VTI1A: variants seen among roughly 807,000 people sequenced by gnomAD.
The protein encoded by VTI1A is vesicle transport through interaction with t-SNAREs homolog 1A.
VTI1A carries 22 observed loss-of-function variants against 34.9 expected under a neutral mutation model. The observed-to-expected ratio is 0.63, with a 90% confidence interval of 0.45 to 0.90. VTI1A has a LOEUF of 0.90. VTI1A is among the 40% of genes least tolerant of loss of function. The pLI, the probability that VTI1A is intolerant of heterozygous loss-of-function variation, is 0.00. For synonymous variants in VTI1A, 87 were observed against 97.3 expected, an observed-to-expected ratio of 0.89 and a Z score of 0.62; for missense variants, 268 against 275.6, an observed-to-expected ratio of 0.97 and a Z score of 0.20.
intron 7 of VTI1A, among the ~76,000 whole-genome samples, chr10:112,688,670 T>C (rs1026884919): frequency 1.3e-5 from 2 of 151,788 alleles, no homozygotes; most frequent in Non-Finnish European, 2.9e-5. Flanking sequence ...TACAGGCACA[T>C]ACCACCACAC....
chr10:112,505,312 T>C (rs77802795), intron 3 of VTI1A, among the ~76,000 whole-genome samples: 10,734 of 152,196 alleles, frequency 0.071, 626 homozygotes, highest in East Asian at 0.28. Context: ...GTTGTTTGTA[T>C]GACTTGATTT....
chr10:112,472,473 T>C (rs1370797379), intron 3 of VTI1A, among the ~76,000 whole-genome samples: 4 of 152,124 alleles, frequency 2.6e-5, no homozygotes, highest in Admixed American at 2.6e-4. Context: ...ACTCTCTCTT[T>C]TCATAGGTGA....
the VTI1A span, among the ~76,000 whole-genome samples, chr10:112,829,460 C>A: frequency 4.4e-5 from 5 of 112,848 alleles, no homozygotes; most frequent in Admixed American, 4.5e-4. Context: ...AAAAAAAAAT[C>A]TATTGATTGG....
chr10:112,851,133 A>G, the VTI1A span, among the ~76,000 whole-genome samples: 1 of 152,196 alleles, frequency 6.6e-6, no homozygotes, highest in East Asian at 1.9e-4. Context: ...AATCCATTGT[A>G]TTTTCAGGCA....
At chr10:112,459,721 C>G (rs1413291459) in intron 1 of VTI1A, among the ~76,000 whole-genome samples, 1 of 152,084 alleles carries the variant, frequency 6.6e-6, no homozygotes, top group East Asian at 1.9e-4. Context: ...GGCTGACTGG[C>G]TGGAATGAGG....
intron 7 of VTI1A, among the ~76,000 whole-genome samples, chr10:112,734,851 C>G (rs937496775): frequency 6.6e-6 from 1 of 151,976 alleles, no homozygotes; most frequent in African/African-American, 2.4e-5. Context: ...GATGGGGTCT[C>G]AAACTTCTGA....
chr10:112,779,805 G>A (rs12774467), intron 7 of VTI1A, among the ~76,000 whole-genome samples: 2,879 of 152,204 alleles, frequency 0.019, 33 homozygotes, highest in Non-Finnish European at 0.028. Flanking sequence ...TGAGATTGGC[G>A]AGAGAAGAAA....
chr10:112,823,753 A>G, the VTI1A span: 2 of 152,240 alleles, frequency 1.3e-5, no homozygotes, highest in Non-Finnish European at 2.9e-5. Flanking sequence ...GGGGAGATGA[A>G]GCCCACAGAG....
At chr10:112,756,647 A>G (rs1354506466) in intron 7 of VTI1A, among the ~76,000 whole-genome samples, 1 of 152,188 alleles carries the variant, frequency 6.6e-6, no homozygotes, top group Non-Finnish European at 1.5e-5. Context: ...AATCTGGTCT[A>G]TGAATCTAGA....
chr10:112,699,608 G>A (rs1253526090), intron 7 of VTI1A, among the ~76,000 whole-genome samples: 1 of 152,136 alleles, frequency 6.6e-6, no homozygotes, highest in African/African-American at 2.4e-5. Context: ...CAAGACGGGT[G>A]GATCATGAGG....
At chr10:112,811,227 A>G (rs1853279624) in intron 7 of VTI1A, among the ~76,000 whole-genome samples, 1 of 152,170 alleles carries the variant, frequency 6.6e-6, no homozygotes, top group South Asian at 2.1e-4. Flanking sequence ...CCACCATCCT[A>G]TAACTTGTAC....
intron 7 of VTI1A, among the ~76,000 whole-genome samples, chr10:112,704,041 A>C (rs2133905940): frequency 6.6e-6 from 1 of 152,254 alleles, no homozygotes; most frequent in East Asian, 1.9e-4. Flanking sequence ...TGGTACTTTT[A>C]ATTTGTTATA....
At chr10:112,453,343 T>A in intron 1 of VTI1A, among the ~76,000 whole-genome samples, 1 of 152,214 alleles carries the variant, frequency 6.6e-6, no homozygotes, top group East Asian at 1.9e-4. Flanking sequence ...TTTCCCTCCC[T>A]TTTCCATACT....
intron 7 of VTI1A, among the ~76,000 whole-genome samples, chr10:112,725,969 G>A (rs1215748592): frequency 6.6e-6 from 1 of 152,162 alleles, no homozygotes; most frequent in Non-Finnish European, 1.5e-5. Flanking sequence ...CCCAAACCTG[G>A]AAGCAACTAT....
At chr10:112,840,343 C>T in the VTI1A span, among the ~76,000 whole-genome samples, 3 of 152,134 alleles carry the variant, frequency 2.0e-5, no homozygotes, top group South Asian at 6.2e-4. Flanking sequence ...TTCTAGTTAT[C>T]CCACCCACGA....
At chr10:112,748,864 C>T (rs1438515203) in intron 7 of VTI1A, among the ~76,000 whole-genome samples, 1 of 151,858 alleles carries the variant, frequency 6.6e-6, no homozygotes, top group East Asian at 1.9e-4. Context: ...CTCCTGACCT[C>T]GTGACCCACC....
At chr10:112,464,492 G>T (rs1415629090) in intron 2 of VTI1A, 55 bp from the exon 3 acceptor site, 28 of 1,478,664 alleles carry the variant, frequency 1.9e-5, no homozygotes, top group East Asian at 9.7e-5. Flanking sequence ...GTAAACATTT[G>T]TTCAAATAAG....
chr10:112,695,091 T>A (rs547667233), intron 7 of VTI1A, among the ~76,000 whole-genome samples: 1 of 152,270 alleles, frequency 6.6e-6, no homozygotes, highest in African/African-American at 2.4e-5. Flanking sequence ...CACATGAAAT[T>A]TTTTTTGAGC....
At chr10:112,844,299 A>C in the VTI1A span, among the ~76,000 whole-genome samples, 1 of 152,160 alleles carries the variant, frequency 6.6e-6, no homozygotes, top group Non-Finnish European at 1.5e-5. Flanking sequence ...TTCCAAAGAA[A>C]TGAGTTGCAA....
Sources: allele counts gnomAD v4.1 joint callset (sites outside exome capture counted in the v4.1 genomes callset), GRCh38; gene constraint gnomAD v4.1.1; transcripts MANE v1.5; gene names NCBI Gene and HGNC (gene_info 2026-07-23, HGNC 2026-07-21).